TMEM44: variants seen among roughly 807,000 people sequenced by gnomAD.
The protein encoded by TMEM44 is transmembrane protein 44.
Under a neutral mutation model 47.8 loss-of-function variants are expected in TMEM44, and 43 were observed. The observed-to-expected ratio is 0.90, with a 90% CI of 0.70 to 1.16. The LOEUF is 1.16. Ranked by LOEUF, TMEM44 falls within the 50% of genes most tolerant of loss-of-function variation. TMEM44 has a pLI of 0.00. For synonymous variants in TMEM44, 277 were observed against 238.8 expected (o/e 1.16, Z -1.48); for missense variants, 568 against 555.2 (o/e 1.02, Z -0.23).
At chr3:194,613,916 A>G (rs1176585823) in intron 7 of TMEM44, among the ~76,000 whole-genome samples, 1 of 151,428 alleles carries the variant, frequency 6.6e-6, no homozygotes, top group Admixed American at 6.6e-5. Flanking sequence ...TGAGGTTGGG[A>G]GTTTGAGACC....
chr3:194,629,151 G>A (rs560908877), intron 1 of TMEM44, among the ~76,000 whole-genome samples: 81 of 150,838 alleles, frequency 5.4e-4, no homozygotes, highest in Non-Finnish European at 9.3e-4. Context: ...GTGACAAAGC[G>A]AGACTCCGTC....
In TMEM44 at chr3:194,588,328, G is replaced by C; in HGVS notation, c.*201C>G. ...TCAGAACGAATGCTGGGCCTATCCA[G>C]GTCTGTCCGCAGTACCCAAAGTCGT... On this transcript the variant is annotated 3_prime_UTR_variant, in exon 10 of 10. Coordinates refer to ENST00000347147, the MANE Select transcript of TMEM44 (RefSeq NM_001011655.3). The C allele has an allele frequency of 1.7e-6, 1 of 574,462 alleles. No homozygotes were observed. Among genetic ancestry groups the C allele is most frequent in the Non-Finnish European group, 3.1e-6 (1 of 323,604 alleles). 35.6% of individuals were successfully genotyped at this position (574,462 alleles called of 1,614,324 possible).
chr3:194,632,942 TGTTCCATTG>T, intron 1 of TMEM44, 128 bp downstream of exon 1: 1 of 1,246,014 alleles, frequency 8.0e-7, no homozygotes, highest in Non-Finnish European at 1.1e-6. Context: ...TACAGAGCAA[TGTTCCATTG>T]GATCCTATTA....
At chr3:194,620,675 G>C (rs1716425582) in intron 5 of TMEM44, among the ~76,000 whole-genome samples, 1 of 152,158 alleles carries the variant, frequency 6.6e-6, no homozygotes, top group South Asian at 2.1e-4. Context: ...GGGCTGGCCT[G>C]GGGGCTGTTT....
At chr3:194,605,018 A>G (rs1577177345) in intron 8 of TMEM44, among the ~76,000 whole-genome samples, 1 of 152,248 alleles carries the variant, frequency 6.6e-6, no homozygotes, top group East Asian at 1.9e-4. Flanking sequence ...CGCACCCCAT[A>G]GAGGCCTTCC....
chr3:194,605,527 G>A (rs1296870621), intron 8 of TMEM44, among the ~76,000 whole-genome samples: 3 of 152,196 alleles, frequency 2.0e-5, no homozygotes, highest in Non-Finnish European at 2.9e-5. Flanking sequence ...TACATGGATG[G>A]CAGCAGGCAA....
chr3:194,630,792 C>T (rs529757587), intron 1 of TMEM44, among the ~76,000 whole-genome samples: 11 of 147,122 alleles, frequency 7.5e-5, no homozygotes, highest in South Asian at 2.2e-4. Flanking sequence ...CGTTGTCGCA[C>T]GTGCCTCCTG....
chr3:194,592,994 G>T, intron 9 of TMEM44: 1 of 1,600,142 alleles, frequency 6.2e-7, no homozygotes. Flanking sequence ...CTGAAATCAA[G>T]CCATAGGAAG....
chr3:194,610,721 A>G (rs1715227538), intron 8 of TMEM44, among the ~76,000 whole-genome samples, 195 bp downstream of exon 8: 1 of 152,208 alleles, frequency 6.6e-6, no homozygotes, highest in African/African-American at 2.4e-5. Context: ...CAGAGGGGAC[A>G]GGGAAAATAT....
chr3:194,626,164 G>A (rs1042760285), intron 2 of TMEM44, among the ~76,000 whole-genome samples, 174 bp from the exon 3 acceptor site: 2 of 152,154 alleles, frequency 1.3e-5, no homozygotes, highest in Non-Finnish European at 2.9e-5. Flanking sequence ...ATGTCCACTT[G>A]GCTGATGAGG....
chr3:194,617,559 C>T (rs529652683), intron 5 of TMEM44: 34 of 655,724 alleles, frequency 5.2e-5, no homozygotes, highest in Non-Finnish European at 8.8e-5. Flanking sequence ...ATCCCTCCAG[C>T]GGAGTACCTT....
In TMEM44 at chr3:194,623,361, A is replaced by G. The variant is rs372685052; in HGVS notation, c.526-51T>C. ...CATCAGTACTCTGCAGAGACTGCCC[A>G]TGTGCCCCAAGAAACAGCCAAAGCT... On this transcript the variant is annotated intron_variant, in intron 4 of 9. Transcript: ENST00000347147. The G allele has an allele frequency of 2.0e-5, 31 of 1,543,004 alleles. No individual in the cohort carries two copies. In the African/African-American group the frequency reaches 2.9e-4, roughly 14 times the overall value.
intron 9 of TMEM44, among the ~76,000 whole-genome samples, chr3:194,594,392 G>A (rs538615107): frequency 1.3e-5 from 2 of 151,696 alleles, no homozygotes; most frequent in South Asian, 4.2e-4. Flanking sequence ...CGAACTCCTG[G>A]CCTCAAGTGA....
chr3:194,617,101 C>A lies in TMEM44; in HGVS notation c.781G>T (p.Ala261Ser). Reference sequence around the variant, plus strand: ...CTCCCCAGGCCTGGGGTGGATACAGCGAGGTCCAGTGCCGCACGGCCGAGG... The same window carrying A: ...CTCCCCAGGCCTGGGGTGGATACAGAGAGGTCCAGTGCCGCACGGCCGAGG... ...TSLGRAALDL[A>S]IIFLSCVMKS... Residue 261 changes from alanine (A) to serine (S), a missense_variant and splice_region_variant, in exon 6 of 10, where the codon GCT (alanine) becomes TCT (serine). Physicochemically the swap from Ala to Ser is moderately conservative, Grantham distance 99. Coordinates refer to ENST00000347147, the MANE Select transcript of TMEM44 (RefSeq NM_001011655.3). The A allele has an allele frequency of 6.6e-7, 1 of 1,524,684 alleles. No homozygotes were observed. The highest frequency in any genetic ancestry group is 8.8e-7 in the Non-Finnish European group (1 of 1,134,020). 94.4% of individuals were successfully genotyped at this position (1,524,684 alleles called of 1,614,324 possible). A position where few individuals can be genotyped will look rare whatever the true frequency, so the allele number is the denominator to read the frequency against.
In TMEM44 at chr3:194,615,619, C is replaced by T. The variant is rs756862542; in HGVS notation, c.862G>A (p.Asp288Asn). The T allele has an allele frequency of 1.9e-6, 3 of 1,614,192 alleles. No homozygotes were observed. In the South Asian group the frequency reaches 3.3e-5, roughly 18 times the overall value. The change falls in exon 7 of 10, where the codon GAC becomes AAC. Residue 288 changes from aspartate (D) to asparagine (N), a missense_variant. Transcript: ENST00000347147. ...GCACAGGTCAAAAGGGCTTGGGTGTCAGGGCTCTCTCTGGCTTCCTTGGCA... is the reference window on the plus strand; with the variant it reads ...GCACAGGTCAAAAGGGCTTGGGTGTTAGGGCTCTCTCTGGCTTCCTTGGCA... Reference protein sequence around the residue: ...GFAKEARESPDTQALLTCAEK... With the variant: ...GFAKEARESPNTQALLTCAEK...
At chr3:194,594,143 C>CTATCTATCTATCTATCTA (rs1713101030) in intron 9 of TMEM44, among the ~76,000 whole-genome samples, 1 of 150,094 alleles carries the variant, frequency 6.7e-6, no homozygotes, top group Non-Finnish European at 1.5e-5. Flanking sequence ...ATCTATCTAT[C>CTATCTATCTATCTATCTA]TATCTATCTA....
At chr3:194,601,163 A>C (rs1379983875) in intron 9 of TMEM44, among the ~76,000 whole-genome samples, 1 of 135,320 alleles carries the variant, frequency 7.4e-6, no homozygotes, top group Non-Finnish European at 1.6e-5. Flanking sequence ...TTTTTTTTTG[A>C]GGTGGAGTTT....
rs1718014945 is a variant in TMEM44, at chr3:194,633,170, A to G, written c.46T>C (p.Tyr16His). 4.5e-6 allele frequency: 7 copies of G among 1,541,658 alleles called. No homozygotes were observed. Among genetic ancestry groups the G allele is most frequent in the Non-Finnish European group, 6.1e-6 (7 of 1,143,542 alleles). Reference sequence around the variant, plus strand: ...TGGCGGGCGAAGCAGCGGTCCAGGTAGTCCCAGTCCCAGAGCGCGGGCGCG... The same window carrying G: ...TGGCGGGCGAAGCAGCGGTCCAGGTGGTCCCAGTCCCAGAGCGCGGGCGCG... The part of the protein sequence containing the change: ...SPAPALWDWD[Y>H]LDRCFARHRV... The change falls in exon 1 of 10, where the codon TAC becomes CAC. Residue 16 changes from tyrosine (Y) to histidine (H), a missense_variant. Coordinates refer to ENST00000347147, the MANE Select transcript of TMEM44 (RefSeq NM_001011655.3).
chr3:194,625,567 G>A (rs1456234133), intron 3 of TMEM44, among the ~76,000 whole-genome samples: 2 of 152,020 alleles, frequency 1.3e-5, no homozygotes, highest in African/African-American at 2.4e-5. Context: ...TGCAACCTCC[G>A]CCTCCTGGGT....
Sources: allele counts gnomAD v4.1 joint callset (sites outside exome capture counted in the v4.1 genomes callset), GRCh38; gene constraint gnomAD v4.1.1; transcripts MANE v1.5; gene names NCBI Gene and HGNC (gene_info 2026-07-23, HGNC 2026-07-21).